ME3: variants seen among roughly 807,000 people sequenced by gnomAD.
ME3 encodes malic enzyme 3, also known as NADP-dependent malic enzyme, mitochondrial.
In ME3, 48 loss-of-function variants were observed where a neutral mutation model predicts 68.9. That is an observed-to-expected ratio of 0.70 (90% confidence interval 0.55 to 0.89). The LOEUF is 0.89. Among genes scored for constraint, ME3 ranks in the 40% least tolerant of loss-of-function variants. The pLI, the probability that ME3 is intolerant of heterozygous loss-of-function variation, is 0.00. For synonymous variants in ME3, 320 were observed against 318.8 expected, an observed-to-expected ratio of 1.00 and a Z score of -0.04; for missense variants, 675 against 797.4, an observed-to-expected ratio of 0.85 and a Z score of 1.85.
Position 86,485,924 on chromosome 11 carries a change from G to A in ME3, c.809+1413C>T, listed in dbSNP as rs547509338. 3.8e-4 allele frequency among the ~76,000 whole-genome samples: 58 copies of A among 152,298 alleles called. 2 individuals carry two copies. The Middle Eastern group carries it at 0.034, about 89-fold the overall frequency. On this transcript the variant is annotated intron_variant, in intron 7 of 14. Transcript: ENST00000543262. ...TAAACAGTAACCCCAAGGGGGCCCA[G>A]AGAGCTGCCCAGTGATCATGATCCA...
At chr11:86,481,870 C>T (rs976144778) in intron 7 of ME3, among the ~76,000 whole-genome samples, 6 of 152,140 alleles carry the variant, frequency 3.9e-5, no homozygotes, top group Non-Finnish European at 5.9e-5. Flanking sequence ...TGCTGCCACC[C>T]CTTATTCCAT....
chr11:86,589,962 T>C (rs1304097149), intron 2 of ME3, among the ~76,000 whole-genome samples: 2 of 151,984 alleles, frequency 1.3e-5, no homozygotes, highest in African/African-American at 4.8e-5. Context: ...TTGAGGTGAG[T>C]AGTGTTTTTA....
At chr11:86,504,967 A>T (rs1184862394) in intron 5 of ME3, among the ~76,000 whole-genome samples, 1 of 152,236 alleles carries the variant, frequency 6.6e-6, no homozygotes, top group Non-Finnish European at 1.5e-5. Flanking sequence ...CTGGGATTAC[A>T]GGCGTGAGCC....
intron 4 of ME3, among the ~76,000 whole-genome samples, chr11:86,541,413 C>T (rs1247395963): frequency 6.6e-6 from 1 of 152,206 alleles, no homozygotes; most frequent in Non-Finnish European, 1.5e-5. Flanking sequence ...ATTCTCGCTG[C>T]CAGCACAGCA....
At chr11:86,621,749 A>T (rs1943361871) in intron 2 of ME3, among the ~76,000 whole-genome samples, 1 of 152,044 alleles carries the variant, frequency 6.6e-6, no homozygotes, top group Non-Finnish European at 1.5e-5. Flanking sequence ...GAGAAATAAC[A>T]TTCAAATCAT....
chr11:86,662,273 T>C (rs1594823310), intron 2 of ME3, among the ~76,000 whole-genome samples: 1 of 152,290 alleles, frequency 6.6e-6, no homozygotes, highest in East Asian at 1.9e-4. Context: ...CTATGAGTTG[T>C]ATGACCTAGG....
chr11:86,592,975 C>T (rs1959142901), intron 2 of ME3, among the ~76,000 whole-genome samples: 1 of 152,150 alleles, frequency 6.6e-6, no homozygotes. Context: ...TTCCATAGGC[C>T]TCAGCTCCCT....
chr11:86,467,879 C>G (rs1449784132), intron 7 of ME3, among the ~76,000 whole-genome samples: 1 of 152,108 alleles, frequency 6.6e-6, no homozygotes, highest in Non-Finnish European at 1.5e-5. Flanking sequence ...AATAAAACCT[C>G]ATTAATTGAG....
At chr11:86,567,834 C>A (rs1957568970) in intron 2 of ME3, among the ~76,000 whole-genome samples, 2 of 152,198 alleles carry the variant, frequency 1.3e-5, no homozygotes, top group African/African-American at 4.8e-5. Flanking sequence ...CAAGACAGTT[C>A]ACTAGGGCTT....
At position 86,503,366 on chromosome 11, in the gene ME3, A is replaced by G. The variant is rs536830144; in HGVS notation, c.544-5242T>C. On this transcript the variant is annotated intron_variant, in intron 5 of 14. Coordinates refer to ENST00000543262, the Ensembl canonical transcript of ME3. ...CAGCCCACTTAGGGGAATTTCCTCT[A>G]CTGAAAAGAGCCACCTTGCCCAAAG... 1.6e-4 allele frequency among the ~76,000 whole-genome samples: 24 copies of G among 152,304 alleles called. 1 individual carries two copies. The South Asian group carries it at 3.9e-3, about 25-fold the overall frequency.
chr11:86,477,596 T>C (rs1356092551), intron 7 of ME3, among the ~76,000 whole-genome samples: 2 of 152,240 alleles, frequency 1.3e-5, no homozygotes, highest in Admixed American at 1.3e-4. Flanking sequence ...GGGATGATTT[T>C]GTTCCTATTC....
At position 86,669,886 on chromosome 11, in the gene ME3, A is replaced by G. The variant is rs530762550; in HGVS notation, c.183+1876T>C. Among the ~76,000 whole-genome samples, 148 of 152,332 alleles carry G rather than the reference A, an allele frequency of 9.7e-4. 1 individual carries two copies. The highest frequency in any genetic ancestry group is 1.9e-3 in the South Asian group (9 of 4,830). On this transcript the variant is annotated intron_variant, in intron 2 of 14. Coordinates refer to ENST00000543262, the Ensembl canonical transcript of ME3. ...AAAGCAATAAATGCTGGTTGGTAAC[A>G]TGCCAGTAATTCTAAGGCAATTATT...
chr11:86,556,706 G>A lies in ME3; in HGVS notation c.318-4C>T. The A allele has an allele frequency of 1.9e-6, 3 of 1,613,782 alleles. No individual in the cohort carries two copies. The highest frequency in any genetic ancestry group is 2.5e-6 in the Non-Finnish European group (3 of 1,179,768). On this transcript the variant is annotated splice_region_variant and splice_polypyrimidine_tract_variant and intron_variant, in intron 3 of 14. Coordinates refer to ENST00000543262, the Ensembl canonical transcript of ME3. The stretch of plus-strand genomic sequence containing the variant: ...GAGTGTCATGAGAATGATGTACCTT[G>A]TAAAAGGAGAGAAAAAGCAAGCTGA...
chr11:86,439,881 T>G (rs531957451), downstream of ME3, among the ~76,000 whole-genome samples: 7 of 152,198 alleles, frequency 4.6e-5, no homozygotes, highest in Non-Finnish European at 8.8e-5. Flanking sequence ...TCCATGGTGT[T>G]CAGATTCCAG....
rs2082929974 is a variant in ME3, at chr11:86,448,154, G to C, written c.1233C>G (p.Ile411Met). 1.9e-6 allele frequency: 3 copies of C among 1,611,434 alleles called. No individual in the cohort carries two copies. The African/African-American group carries it at 4.0e-5, about 22-fold the overall frequency. The change falls in exon 11 of 15, where the codon ATC (isoleucine) becomes ATG (methionine). Residue 411 changes from isoleucine (I) to methionine (M), a missense_variant. Coordinates refer to ENST00000543262, the Ensembl canonical transcript of ME3. ...GGGTACCCTCCCTCCTCCTACCTAT[G>C]ATGGCTGTGGGCTTCACCAGCCTCA...
chr11:86,471,141 C>CTTTTTTTTTTTTTTTTTTTTTTTTTTTTT (rs1163128094), intron 7 of ME3, among the ~76,000 whole-genome samples: 3 of 75,044 alleles, frequency 4.0e-5, no homozygotes, highest in African/African-American at 1.9e-4. Context: ...AGGCCCAGAG[C>CTTTTTTTTTTTTTTTTTTTTTTTTTTTTT]TTTTTTTTTT....
intron 4 of ME3, among the ~76,000 whole-genome samples, chr11:86,554,050 T>C (rs1242370038): frequency 6.6e-6 from 1 of 152,162 alleles, no homozygotes; most frequent in Non-Finnish European, 1.5e-5. Context: ...CCTAGGGAGG[T>C]TGTAATCATT....
intron 2 of ME3, among the ~76,000 whole-genome samples, chr11:86,637,733 T>C (rs1269254594): frequency 6.6e-6 from 1 of 152,098 alleles, no homozygotes; most frequent in Admixed American, 6.5e-5. Context: ...GTTCATGTAT[T>C]ACCAATTTCA....
At chr11:86,532,398 A>G (rs1231974862) in intron 4 of ME3, among the ~76,000 whole-genome samples, 2 of 152,206 alleles carry the variant, frequency 1.3e-5, no homozygotes, top group African/African-American at 4.8e-5. Flanking sequence ...ATTTCTTCCA[A>G]CTGCAACAGA....
Sources: allele counts gnomAD v4.1 joint callset (sites outside exome capture counted in the v4.1 genomes callset), GRCh38; gene constraint gnomAD v4.1.1; transcripts MANE v1.5; gene names NCBI Gene and HGNC (gene_info 2026-07-23, HGNC 2026-07-21).